The following ARK2N variants were observed in gnomAD, a reference collection of about 807,000 sequenced individuals.
ARK2N encodes protein ARK2N.
chr18:46,213,186 G>C, the ARK2N span, among the ~76,000 whole-genome samples: 1 of 151,470 alleles, frequency 6.6e-6, no homozygotes, highest in South Asian at 2.1e-4. Flanking sequence ...ATTTTTAGTA[G>C]AGATGGGCTT....
At chr18:46,225,725 G>T in the ARK2N span, among the ~76,000 whole-genome samples, 1 of 152,142 alleles carries the variant, frequency 6.6e-6, no homozygotes, top group Non-Finnish European at 1.5e-5. Context: ...CTCCCAAAGT[G>T]CTGGGATTAC....
the ARK2N span, among the ~76,000 whole-genome samples, chr18:46,177,401 T>C: frequency 1.3e-5 from 2 of 150,434 alleles, no homozygotes; most frequent in Admixed American, 6.7e-5. Context: ...TTTTCTTCTT[T>C]TGTTCGTTTG....
At chr18:46,209,591 T>A in the ARK2N span, among the ~76,000 whole-genome samples, 1 of 152,032 alleles carries the variant, frequency 6.6e-6, no homozygotes, top group African/African-American at 2.4e-5. Context: ...AACAACCTGT[T>A]TTTTGTTTTG....
the ARK2N span, among the ~76,000 whole-genome samples, chr18:46,191,338 T>C: frequency 6.6e-6 from 1 of 152,006 alleles, no homozygotes. Flanking sequence ...TTATTATTTA[T>C]TGTTTATTTA....
the ARK2N span, among the ~76,000 whole-genome samples, chr18:46,241,165 C>A: frequency 6.6e-5 from 10 of 152,158 alleles, no homozygotes; most frequent in African/African-American, 2.2e-4. Flanking sequence ...TTGTTGTTGT[C>A]TTAAATTATT....
At chr18:46,209,689 G>A in the ARK2N span, among the ~76,000 whole-genome samples, 1 of 152,030 alleles carries the variant, frequency 6.6e-6, no homozygotes, top group African/African-American at 2.4e-5. Context: ...TCTGCCTCCC[G>A]GGTTCAAGTG....
chr18:46,176,604 G>T, the ARK2N span, among the ~76,000 whole-genome samples: 718 of 151,470 alleles, frequency 4.7e-3, 9 homozygotes, highest in African/African-American at 0.016. Context: ...ACAGGCTCAC[G>T]CCACCACACT....
At chr18:46,175,858 A>G in the ARK2N span, among the ~76,000 whole-genome samples, 1 of 152,234 alleles carries the variant, frequency 6.6e-6, no homozygotes, top group African/African-American at 2.4e-5. Context: ...TGTGGAAAAT[A>G]GGATGGACTG....
At chr18:46,226,274 G>C in the ARK2N span, among the ~76,000 whole-genome samples, 2 of 152,182 alleles carry the variant, frequency 1.3e-5, no homozygotes, top group African/African-American at 4.8e-5. Context: ...ACTGCAGCTT[G>C]ATTTCATGCA....
At chr18:46,232,574 A>G in the ARK2N span, 2 of 152,202 alleles carry the variant, frequency 1.3e-5, no homozygotes, top group African/African-American at 2.4e-5. Flanking sequence ...AATTGTAAGT[A>G]ACAGGGAATA....
chr18:46,186,857 A>G, the ARK2N span, among the ~76,000 whole-genome samples: 1 of 120,252 alleles, frequency 8.3e-6, no homozygotes, highest in Non-Finnish European at 1.8e-5. Context: ...ACTTACTACT[A>G]CTTTTTTTTT....
the ARK2N span, among the ~76,000 whole-genome samples, chr18:46,229,472 T>C: frequency 6.6e-6 from 1 of 150,478 alleles, no homozygotes; most frequent in Admixed American, 6.6e-5. Flanking sequence ...CTCAGCCTCC[T>C]GAGTAGCTGG....
the ARK2N span, among the ~76,000 whole-genome samples, chr18:46,188,611 G>A: frequency 6.6e-6 from 1 of 152,166 alleles, no homozygotes; most frequent in Non-Finnish European, 1.5e-5. Flanking sequence ...CTCCCAAAGT[G>A]CTGGAGATTA....
the ARK2N span, among the ~76,000 whole-genome samples, chr18:46,228,342 A>G: frequency 6.6e-6 from 1 of 152,202 alleles, no homozygotes; most frequent in African/African-American, 2.4e-5. Context: ...TGCTTCAAGC[A>G]CTTAACAGGC....
At chr18:46,247,976 C>T in the ARK2N span, among the ~76,000 whole-genome samples, 1 of 152,136 alleles carries the variant, frequency 6.6e-6, no homozygotes, top group South Asian at 2.1e-4. Context: ...CCCAATCCAG[C>T]TTCTTGCTTC....
At chr18:46,225,583 C>T in the ARK2N span, among the ~76,000 whole-genome samples, 16 of 152,096 alleles carry the variant, frequency 1.1e-4, no homozygotes, top group Middle Eastern at 6.3e-3. Context: ...CTCAGCCTCC[C>T]GAGTATCTGG....
chr18:46,187,892 A>T, the ARK2N span, among the ~76,000 whole-genome samples: 3 of 152,084 alleles, frequency 2.0e-5, no homozygotes, highest in African/African-American at 7.3e-5. Flanking sequence ...AAAATAACTT[A>T]AAAAATTTGT....
the ARK2N span, among the ~76,000 whole-genome samples, chr18:46,192,294 C>T: frequency 2.6e-5 from 4 of 152,066 alleles, no homozygotes; most frequent in African/African-American, 7.2e-5. Context: ...TGGACTCTGG[C>T]TGGGTGAGGT....
chr18:46,237,561 G>C, the ARK2N span, among the ~76,000 whole-genome samples: 1 of 151,936 alleles, frequency 6.6e-6, no homozygotes, highest in Non-Finnish European at 1.5e-5. Flanking sequence ...CTAATTTTTT[G>C]TATTTTTAGT....
Sources: allele counts gnomAD v4.1 joint callset (sites outside exome capture counted in the v4.1 genomes callset), GRCh38; gene constraint gnomAD v4.1.1; transcripts MANE v1.5; gene names NCBI Gene and HGNC (gene_info 2026-07-23, HGNC 2026-07-21).